The following ARID5B variants were observed in gnomAD, a reference collection of about 807,000 sequenced individuals.
ARID5B encodes the protein AT-rich interactive domain-containing protein 5B.
ARID5B carries 13 observed loss-of-function variants against 97.2 expected under a neutral mutation model. That is an observed-to-expected ratio of 0.13 (90% CI 0.09 to 0.21). ARID5B has a LOEUF of 0.21. ARID5B is among the 10% of genes least tolerant of loss of function. The pLI is 1.00. For synonymous variants in ARID5B, 556 were observed against 570.3 expected (o/e 0.97, Z 0.36); for missense variants, 1,210 against 1,465.3 (o/e 0.83, Z 2.84).
chr10:61,961,526 C>T (rs895563528), intron 3 of ARID5B, among the ~76,000 whole-genome samples: 1 of 152,160 alleles, frequency 6.6e-6, no homozygotes, highest in South Asian at 2.1e-4. Context: ...AGTGTAACTG[C>T]CACACAGATG....
At chr10:61,960,698 G>A (rs1589236021) in intron 3 of ARID5B, among the ~76,000 whole-genome samples, 1 of 151,840 alleles carries the variant, frequency 6.6e-6, no homozygotes, top group South Asian at 2.1e-4. Flanking sequence ...TACTAGATTA[G>A]GCTACTTGAA....
chr10:61,914,411 T>G (rs1183041171), intron 2 of ARID5B, among the ~76,000 whole-genome samples: 1 of 152,224 alleles, frequency 6.6e-6, no homozygotes, highest in Non-Finnish European at 1.5e-5. Context: ...TAGTGAACAA[T>G]GAGTGACTAG....
At chr10:62,028,822 A>G (rs1033148094) in intron 4 of ARID5B, among the ~76,000 whole-genome samples, 1 of 152,074 alleles carries the variant, frequency 6.6e-6, no homozygotes, top group African/African-American at 2.4e-5. Flanking sequence ...TTAGCCGTGC[A>G]TGGTGGCGCA....
At chr10:62,010,105 A>G (rs1187994380) in intron 4 of ARID5B, among the ~76,000 whole-genome samples, 1 of 152,204 alleles carries the variant, frequency 6.6e-6, no homozygotes, top group East Asian at 1.9e-4. Flanking sequence ...GTTAGAACCC[A>G]GGGGAAGTTT....
At chr10:62,038,851 C>T (rs932524441) in intron 4 of ARID5B, among the ~76,000 whole-genome samples, 2 of 152,164 alleles carry the variant, frequency 1.3e-5, no homozygotes, top group Non-Finnish European at 2.9e-5. Flanking sequence ...GGCAATGGAG[C>T]GTTTGCTTTC....
At chr10:61,921,551 A>C (rs781176787) in intron 2 of ARID5B, among the ~76,000 whole-genome samples, 1 of 152,208 alleles carries the variant, frequency 6.6e-6, no homozygotes, top group Non-Finnish European at 1.5e-5. Flanking sequence ...TGTAAGGTGT[A>C]GGAATGAGAC....
At chr10:62,012,670 G>A (rs368752726) in intron 4 of ARID5B, among the ~76,000 whole-genome samples, 17 of 152,122 alleles carry the variant, frequency 1.1e-4, no homozygotes, top group Admixed American at 8.5e-4. Flanking sequence ...AACATCATCC[G>A]CCATCTCATC....
rs552353096 is a variant in ARID5B, at chr10:62,059,781, A to T, written c.1101+486A>T. ...TTAGACAAGGGTCAGTGCTGCATAA[A>T]CAGGAAGTTATCAAACTTATTCGGA... is the stretch of plus-strand genomic sequence containing the variant. On this transcript the variant is annotated intron_variant, in intron 7 of 9. Coordinates refer to ENST00000279873, the MANE Select transcript of ARID5B (RefSeq NM_032199.3). Among the ~76,000 whole-genome samples, 6 of 152,310 alleles carry T rather than the reference A, an allele frequency of 3.9e-5. No individual in the cohort carries two copies. The East Asian group carries it at 1.2e-3, about 29-fold the overall frequency.
At chr10:61,919,560 C>T (rs187224876) in intron 2 of ARID5B, among the ~76,000 whole-genome samples, 126 of 152,352 alleles carry the variant, frequency 8.3e-4, no homozygotes, top group African/African-American at 3.0e-3. Flanking sequence ...ATTAATCCCA[C>T]AGTGTATATC....
intron 4 of ARID5B, among the ~76,000 whole-genome samples, chr10:62,029,235 G>A (rs769338760): frequency 4.6e-5 from 7 of 152,072 alleles, no homozygotes; most frequent in Non-Finnish European, 8.8e-5. Flanking sequence ...CCATGTCCAC[G>A]TCATAGGGAC....
chr10:61,946,762 A>G (rs950969095), intron 3 of ARID5B, among the ~76,000 whole-genome samples: 1 of 152,112 alleles, frequency 6.6e-6, no homozygotes, highest in Non-Finnish European at 1.5e-5. Flanking sequence ...CTCTACTAAA[A>G]ATATAAAAAT....
chr10:61,949,191 C>G (rs1047645869), intron 3 of ARID5B, among the ~76,000 whole-genome samples: 1 of 152,162 alleles, frequency 6.6e-6, no homozygotes, highest in Non-Finnish European at 1.5e-5. Flanking sequence ...CTATTCCAAC[C>G]AAATAATATA....
In ARID5B at chr10:62,091,957, T is replaced by G; in HGVS notation, c.2494T>G (p.Tyr832Asp). 2 of 1,613,638 alleles carry G rather than the reference T, an allele frequency of 1.2e-6. No homozygotes were observed. Among genetic ancestry groups the G allele is most frequent in the Middle Eastern group, 3.3e-4 (2 of 6,058 alleles). Reference sequence around the variant, plus strand: ...CATGCCTAGCTTCCTGGCTGACTTCTACTCGTCCCCTCATCTCCATAGCCT... The same window carrying G: ...CATGCCTAGCTTCCTGGCTGACTTCGACTCGTCCCCTCATCTCCATAGCCT... The part of the protein sequence containing the change: ...SHMPSFLADF[Y>D]SSPHLHSLYR... The change falls in exon 10 of 10, where the codon TAC (tyrosine) becomes GAC (aspartate). Residue 832 changes from tyrosine to aspartate, a missense_variant. By Grantham distance (160) the Tyr-to-Asp change is radical. Transcript: ENST00000279873.
intron 4 of ARID5B, chr10:62,049,473 G>C (rs1839756476): frequency 6.5e-7 from 1 of 1,550,308 alleles, no homozygotes; most frequent in African/African-American, 1.4e-5. Context: ...GATGTTTGTC[G>C]ACTGGAATGG....
intron 4 of ARID5B, among the ~76,000 whole-genome samples, chr10:62,045,795 A>C (rs1469596619): frequency 6.6e-6 from 1 of 152,208 alleles, no homozygotes; most frequent in Non-Finnish European, 1.5e-5. Flanking sequence ...GCATTACAGA[A>C]ATGCAGGGTA....
At chr10:61,932,211 A>T (rs1293529060) in intron 2 of ARID5B, among the ~76,000 whole-genome samples, 4 of 151,104 alleles carry the variant, frequency 2.6e-5, no homozygotes, top group African/African-American at 9.7e-5. Flanking sequence ...CAATATGTCT[A>T]AAAAAAAAGT....
chr10:62,015,866 G>A (rs569017753), intron 4 of ARID5B, among the ~76,000 whole-genome samples: 13 of 152,162 alleles, frequency 8.5e-5, no homozygotes, highest in African/African-American at 2.9e-4. Flanking sequence ...CAGGTGATCC[G>A]CCCACCTTGG....
chr10:61,957,933 A>G (rs1330114591), intron 3 of ARID5B, among the ~76,000 whole-genome samples: 1 of 152,220 alleles, frequency 6.6e-6, no homozygotes, highest in Non-Finnish European at 1.5e-5. Context: ...TATTTGCTGT[A>G]GAAAGAATAT....
At chr10:62,009,650 A>G (rs767778750) in intron 4 of ARID5B, among the ~76,000 whole-genome samples, 2 of 152,226 alleles carry the variant, frequency 1.3e-5, no homozygotes, top group Admixed American at 6.5e-5. Context: ...TACAAATGCA[A>G]GAAGCCTAGA....
Sources: gnomAD v4.1 joint callset for allele counts (sites outside exome capture counted in the v4.1 genomes callset) on GRCh38, gnomAD v4.1.1 for gene constraint, MANE v1.5 for transcripts, NCBI Gene and HGNC (gene_info 2026-07-23, HGNC 2026-07-21) for gene names.